The following NAV2 variants were observed in gnomAD, a reference collection of about 807,000 sequenced individuals.
The protein encoded by NAV2 is neuron navigator 2.
NAV2 carries 54 observed loss-of-function variants against 223.2 expected under a neutral mutation model. That is an observed-to-expected ratio of 0.24 (90% CI 0.19 to 0.30). The LOEUF is 0.30. Among genes scored for constraint, NAV2 ranks in the 10% least tolerant of loss-of-function variants. NAV2 has a pLI of 1.00. For missense variants in NAV2, 2,806 were observed against 3,147.5 expected (o/e 0.89, Z 2.60); for synonymous variants, 1,279 against 1,239.3 (o/e 1.03, Z -0.67).
chr11:19,390,055 T>A (rs532707549), intron 1 of NAV2, among the ~76,000 whole-genome samples: 13 of 152,206 alleles, frequency 8.5e-5, no homozygotes, highest in Non-Finnish European at 1.9e-4. Context: ...AGGAAGGAAT[T>A]GTTTGTGTAG....
intron 1 of NAV2, among the ~76,000 whole-genome samples, chr11:19,372,043 C>T (rs144703324): frequency 3.1e-4 from 47 of 152,140 alleles, no homozygotes; most frequent in African/African-American, 9.2e-4. Flanking sequence ...CCTCCTGAAG[C>T]GCTGGGATTA....
intron 7 of NAV2, among the ~76,000 whole-genome samples, chr11:19,935,822 A>T (rs2045798112): frequency 7.5e-6 from 1 of 132,856 alleles, no homozygotes; most frequent in Admixed American, 7.4e-5. Context: ...GCTGGTCTAC[A>T]TACACGGCTT....
chr11:19,572,297 G>T (rs2045449566), intron 1 of NAV2, among the ~76,000 whole-genome samples: 1 of 152,166 alleles, frequency 6.6e-6, no homozygotes, highest in Admixed American at 6.5e-5. Context: ...AGGCCTTAAA[G>T]CCCTCCGTCC....
intron 1 of NAV2, among the ~76,000 whole-genome samples, chr11:19,814,722 T>C (rs1357755510): frequency 6.6e-6 from 1 of 152,118 alleles, no homozygotes; most frequent in African/African-American, 2.4e-5. Context: ...GCCTCAGCCT[T>C]CTGGAGCAGC....
chr11:19,652,571 T>C (rs943735582), intron 1 of NAV2, among the ~76,000 whole-genome samples: 1 of 152,170 alleles, frequency 6.6e-6, no homozygotes, highest in Non-Finnish European at 1.5e-5. Context: ...ACCACTGCCC[T>C]TTTCTCCCTT....
At chr11:19,880,415 C>T (rs554388774) in intron 5 of NAV2, among the ~76,000 whole-genome samples, 1 of 152,306 alleles carries the variant, frequency 6.6e-6, no homozygotes, top group South Asian at 2.1e-4. Context: ...AGACAATAAA[C>T]AGCCCCTAAA....
chr11:19,931,588 A>G (rs978252136), intron 6 of NAV2, among the ~76,000 whole-genome samples: 8 of 148,974 alleles, frequency 5.4e-5, no homozygotes, highest in Non-Finnish European at 8.9e-5. Flanking sequence ...AGTGGAACAT[A>G]GGTATTTAAA....
chr11:19,434,146 C>T (rs535319523), intron 1 of NAV2, among the ~76,000 whole-genome samples: 1 of 151,024 alleles, frequency 6.6e-6, no homozygotes, highest in Admixed American at 6.6e-5. Context: ...TATTGGTGAA[C>T]ACCAGCAGTC....
At position 19,825,790 on chromosome 11, in the gene NAV2, A is replaced by T. The variant is rs146451106; in HGVS notation, c.268-6694A>T. Among the ~76,000 whole-genome samples the T allele has an allele frequency of 3.9e-5, 6 of 152,314 alleles. No individual in the cohort carries two copies. In the East Asian group the frequency reaches 1.2e-3, roughly 29 times the overall value. ...TTCTTTACTTGAATTGATCTGTCAA[A>T]ATGTTCTCTTTTGGATTTCAGCCTG... is the stretch of plus-strand genomic sequence containing the variant. On this transcript the variant is annotated intron_variant, in intron 1 of 37. Transcript: ENST00000349880.
intron 37 of NAV2, 56 bp from the exon 38 acceptor site, chr11:20,118,077 A>C: frequency 6.6e-7 from 1 of 1,516,240 alleles, no homozygotes; most frequent in South Asian, 1.1e-5. Context: ...TTAGGAGTCC[A>C]GGGTGGGCGG....
intron 1 of NAV2, among the ~76,000 whole-genome samples, chr11:19,580,029 T>A: frequency 6.6e-6 from 1 of 152,248 alleles, no homozygotes. Context: ...TTTGGCCTTA[T>A]GCAGACTTTA....
chr11:19,784,270 C>A (rs917937583), intron 1 of NAV2, among the ~76,000 whole-genome samples: 1 of 151,442 alleles, frequency 6.6e-6, no homozygotes, highest in Non-Finnish European at 1.5e-5. Flanking sequence ...TGCCTGTAAT[C>A]CCAGCTACTC....
intron 20 of NAV2, among the ~76,000 whole-genome samples, chr11:20,065,717 G>C (rs557177344): frequency 6.6e-6 from 1 of 152,346 alleles, no homozygotes; most frequent in South Asian, 2.1e-4. Flanking sequence ...AGTGGCAGAG[G>C]CATGGGGAAG....
intron 1 of NAV2, among the ~76,000 whole-genome samples, chr11:19,530,441 G>T (rs1356720568): frequency 2.0e-5 from 3 of 152,212 alleles, no homozygotes; most frequent in Non-Finnish European, 4.4e-5. Context: ...CACACCAGAA[G>T]GGCTCACAGC....
At chr11:19,522,770 G>T (rs770814485) in intron 1 of NAV2, among the ~76,000 whole-genome samples, 12 of 152,210 alleles carry the variant, frequency 7.9e-5, no homozygotes, top group Admixed American at 2.0e-4. Context: ...AAGAGAACAT[G>T]CTCTGTCCAA....
intron 3 of NAV2, among the ~76,000 whole-genome samples, chr11:19,860,326 C>A: frequency 7.4e-6 from 1 of 135,884 alleles, no homozygotes; most frequent in African/African-American, 2.9e-5. Flanking sequence ...GGGCGGTTGC[C>A]AGGCAGAGGG....
intron 6 of NAV2, among the ~76,000 whole-genome samples, chr11:19,904,480 A>G (rs1401613742): frequency 6.6e-6 from 1 of 152,174 alleles, no homozygotes; most frequent in African/African-American, 2.4e-5. Flanking sequence ...TCTCTGGACT[A>G]GGTACAACCT....
chr11:19,973,008 C>T (rs2153431395), intron 10 of NAV2, among the ~76,000 whole-genome samples: 1 of 152,300 alleles, frequency 6.6e-6, no homozygotes, highest in Middle Eastern at 3.4e-3. Context: ...ATGATGTTCC[C>T]AAGGTCTGCT....
intron 1 of NAV2, among the ~76,000 whole-genome samples, chr11:19,667,207 G>GAA (rs1222408098): frequency 3.3e-5 from 5 of 152,220 alleles, no homozygotes; most frequent in African/African-American, 1.2e-4. Context: ...CTGACTGACA[G>GAA]AATAAAGACA....
Sources: allele counts gnomAD v4.1 joint callset (sites outside exome capture counted in the v4.1 genomes callset), GRCh38; gene constraint gnomAD v4.1.1; transcripts MANE v1.5; gene names NCBI Gene and HGNC (gene_info 2026-07-23, HGNC 2026-07-21).